SMIM14: variants seen among roughly 807,000 people sequenced by gnomAD.
SMIM14 encodes chromosome 4 open reading frame 34.
A neutral mutation model predicts 12.6 loss-of-function variants in SMIM14; 5 were observed. The ratio of observed to expected loss-of-function variants is 0.40; its 90% CI spans 0.21 to 0.83. The LOEUF (loss-of-function observed/expected upper bound fraction) is 0.83. SMIM14 is among the 40% of genes least tolerant of loss of function. The pLI, the probability that SMIM14 is intolerant of heterozygous loss-of-function variation, is 0.37. For synonymous variants in SMIM14, 30 were observed against 40.1 expected (o/e 0.75, Z 0.95); for missense variants, 86 against 119.1 (o/e 0.72, Z 1.29).
At chr4:39,556,353 A>G in intron 4 of SMIM14, 75 bp downstream of exon 4, 1 of 1,445,542 alleles carries the variant, frequency 6.9e-7, no homozygotes, top group South Asian at 1.4e-5. Flanking sequence ...TGTTTTAGTC[A>G]AAACCAAGTC....
chr4:39,620,727 A>G (rs966422972), intron 1 of SMIM14, among the ~76,000 whole-genome samples: 1 of 152,204 alleles, frequency 6.6e-6, no homozygotes, highest in Non-Finnish European at 1.5e-5. Flanking sequence ...TTCTACAACA[A>G]TTCACTTTTA....
Position 39,548,303 on chromosome 4 carries a change from C to T in SMIM14, c.*3823G>A, listed in dbSNP as rs1255081572. The T allele has an allele frequency of 6.6e-6, 1 of 152,198 alleles. No homozygotes were observed. The highest frequency in any genetic ancestry group is 2.1e-4 in the South Asian group (1 of 4,826). The allele number at this position is 152,198 out of a possible 1,614,324, so 9.4% of individuals were successfully genotyped here. Reference sequence around the variant, plus strand: ...AAACAAACAAACAAATGCAACAAAACAACCTCCCACTATTATTGTGCATAA... The same window carrying T: ...AAACAAACAAACAAATGCAACAAAATAACCTCCCACTATTATTGTGCATAA... On this transcript the variant is annotated 3_prime_UTR_variant, in exon 5 of 5. Coordinates refer to ENST00000295958, the MANE Select transcript of SMIM14 (RefSeq NM_174921.3).
chr4:39,576,660 G>GTGTATATATATATA (rs1339477098), intron 2 of SMIM14, among the ~76,000 whole-genome samples: 21 of 72,372 alleles, frequency 2.9e-4, no homozygotes, highest in South Asian at 1.9e-3. Context: ...GTGTGTATGT[G>GTGTATATATATATA]TATATATATA....
chr4:39,596,144 G>A (rs775300095), intron 2 of SMIM14, among the ~76,000 whole-genome samples: 8 of 151,874 alleles, frequency 5.3e-5, no homozygotes, highest in Non-Finnish European at 1.0e-4. Flanking sequence ...TGCCCAGGCT[G>A]GAGTGCAATG....
chr4:39,611,923 C>T (rs1715050285), intron 1 of SMIM14: 1 of 151,674 alleles, frequency 6.6e-6, no homozygotes, highest in Middle Eastern at 3.4e-3. Context: ...AAGCTGTAAA[C>T]AGGGCAAACC....
At position 39,561,751 on chromosome 4, in the gene SMIM14, T is replaced by C. The variant is rs551268280; in HGVS notation, c.125-5181A>G. ...CCTGGCCAACATGGTGTTGGCCATC[T>C]CTACCAAAGCCCATCTCTACTAAAA... On this transcript the variant is annotated intron_variant, in intron 3 of 4. Transcript: ENST00000295958. Among the ~76,000 whole-genome samples, 5 of 152,094 alleles carry C rather than the reference T, an allele frequency of 3.3e-5. No individual in the cohort carries two copies. In the South Asian group the frequency reaches 1.0e-3, roughly 32 times the overall value.
chr4:39,590,358 A>G (rs1052496078), intron 2 of SMIM14, among the ~76,000 whole-genome samples: 5 of 151,066 alleles, frequency 3.3e-5, no homozygotes, highest in African/African-American at 1.2e-4. Context: ...AGTTACGGTG[A>G]CCCGAGAATG....
intron 1 of SMIM14, among the ~76,000 whole-genome samples, chr4:39,623,085 T>C (rs1402965529): frequency 6.6e-6 from 1 of 152,202 alleles, no homozygotes. Flanking sequence ...CATTGTTACA[T>C]ACGTACAATG....
intron 1 of SMIM14, among the ~76,000 whole-genome samples, chr4:39,628,809 T>A (rs2109255130): frequency 6.7e-6 from 1 of 149,134 alleles, no homozygotes; most frequent in African/African-American, 2.4e-5. Flanking sequence ...CTCAGCTCAC[T>A]GCAACCTCCA....
Position 39,556,572 on chromosome 4 carries a change from T to C in SMIM14, c.125-2A>G, listed in dbSNP as rs1308288573. On this transcript the variant is annotated splice_acceptor_variant, in intron 3 of 4. Transcript: ENST00000295958. LOFTEE classifies it high-confidence loss of function. ...CATTATCACCAGAGGGTCCCGGTAC[T>C]AAAGACAAACAAAAAATGTAGCATG... The C allele has an allele frequency of 2.5e-6, 4 of 1,583,420 alleles. No homozygotes were observed. The highest frequency in any genetic ancestry group is 2.7e-5 in the African/African-American group (2 of 73,394).
chr4:39,577,997 G>A (rs1177840807), intron 2 of SMIM14, among the ~76,000 whole-genome samples: 3 of 152,078 alleles, frequency 2.0e-5, no homozygotes, highest in Non-Finnish European at 4.4e-5. Flanking sequence ...TCCTAGTCCA[G>A]GACTTAAGGT....
At chr4:39,589,660 G>A (rs66517482) in intron 2 of SMIM14, 19,989 of 152,142 alleles carry the variant, frequency 0.13, 1,961 homozygotes, top group South Asian at 0.32. Flanking sequence ...AGAAGACGGC[G>A]AAGCCAGAAG....
In SMIM14 at chr4:39,627,984, C is replaced by T. The variant is rs1715758936; in HGVS notation, c.-36+10755G>A. On this transcript the variant is annotated intron_variant, in intron 1 of 4. Transcript: ENST00000295958. ...CCCAAGAGGGCACATGTCATCAGGA[C>T]CTCCTGTGTCATGGAGAGAAAATTT... Among the ~76,000 whole-genome samples, 9 of 152,156 alleles carry T rather than the reference C, an allele frequency of 5.9e-5. No individual in the cohort carries two copies. In the South Asian group the frequency reaches 1.9e-3, roughly 32 times the overall value.
At chr4:39,619,504 C>CTA (rs1366693386) in intron 1 of SMIM14, among the ~76,000 whole-genome samples, 16 of 78,278 alleles carry the variant, frequency 2.0e-4, no homozygotes, top group African/African-American at 8.5e-4. Flanking sequence ...ATAATTTATT[C>CTA]TATATCAATA....
rs141673485 is a variant in SMIM14, at chr4:39,631,007, G to C, written c.-36+7732C>G. Among the ~76,000 whole-genome samples, 676 of 152,212 alleles carry C rather than the reference G, an allele frequency of 4.4e-3. 3 individuals are homozygous for C. The highest frequency in any genetic ancestry group is 0.016 in the African/African-American group (644 of 41,506). On this transcript the variant is annotated intron_variant, in intron 1 of 4. Transcript: ENST00000295958. ...GTTTCTTCTACATTACCTTTCCCAAGAGTAACAAAGCAGCAAAATATATAT... is the reference window on the plus strand; with the variant it reads ...GTTTCTTCTACATTACCTTTCCCAACAGTAACAAAGCAGCAAAATATATAT...
chr4:39,574,157 A>G (rs1713038545), intron 2 of SMIM14, among the ~76,000 whole-genome samples: 2 of 151,338 alleles, frequency 1.3e-5, no homozygotes, highest in African/African-American at 4.9e-5. Flanking sequence ...GACGGCAACT[A>G]TGGTGCAGTA....
At chr4:39,590,748 G>A (rs2110037907) in intron 2 of SMIM14, among the ~76,000 whole-genome samples, 1 of 149,244 alleles carries the variant, frequency 6.7e-6, no homozygotes, top group South Asian at 2.1e-4. Flanking sequence ...GTTGCTGTGA[G>A]CCCAGATTGC....
At chr4:39,629,642 T>C (rs1715832891) in intron 1 of SMIM14, among the ~76,000 whole-genome samples, 1 of 151,800 alleles carries the variant, frequency 6.6e-6, no homozygotes, top group Non-Finnish European at 1.5e-5. Context: ...TAGGTTTTTG[T>C]TTTGAGATAG....
intron 1 of SMIM14, among the ~76,000 whole-genome samples, chr4:39,637,148 AG>A (rs1431751686): frequency 6.6e-6 from 1 of 152,262 alleles, no homozygotes; most frequent in African/African-American, 2.4e-5. Context: ...AATGCAAAAA[AG>A]TAGTTTAGAA....
Sources: allele counts gnomAD v4.1 joint callset (sites outside exome capture counted in the v4.1 genomes callset), GRCh38; gene constraint gnomAD v4.1.1; transcripts MANE v1.5; gene names NCBI Gene and HGNC (gene_info 2026-07-23, HGNC 2026-07-21).